The following FAM180A variants were observed in gnomAD, a reference collection of about 807,000 sequenced individuals.
FAM180A encodes protein FAM180A.
FAM180A carries 14 observed loss-of-function variants against 15.3 expected under a neutral mutation model. The observed-to-expected ratio is 0.92, with a 90% CI of 0.61 to 1.43. The LOEUF is 1.43. Ranked by LOEUF, FAM180A falls within the 40% of genes most tolerant of loss-of-function variation. The probability of loss-of-function intolerance (pLI) is 0.00; values close to 1 mark genes in which losing one functional copy is unlikely to be tolerated. For missense variants in FAM180A, 200 were observed against 220.8 expected (o/e 0.91, Z 0.60); for synonymous variants, 90 against 96.8 (o/e 0.93, Z 0.41).
chr7:135,744,694 A>T (rs1165926342), intron 1 of FAM180A, among the ~76,000 whole-genome samples: 1 of 152,192 alleles, frequency 6.6e-6, no homozygotes, highest in East Asian at 1.9e-4. Context: ...CGGATGAATG[A>T]GGACGGGGCA....
In FAM180A at chr7:135,729,949, A is replaced by C; in HGVS notation, c.*662T>G. ...TCTGTTTCACAACATGCATGGAGTT[A>C]ACACTGCTGTACCATATGCTTAAAA... On this transcript the variant is annotated 3_prime_UTR_variant, in exon 4 of 4. Transcript: ENST00000338588. 1.2e-6 allele frequency: 1 copy of C among 840,348 alleles called. No individual in the cohort carries two copies. Among genetic ancestry groups the C allele is most frequent in the Non-Finnish European group, 1.4e-6 (1 of 697,864 alleles). 52.1% of individuals were successfully genotyped at this position (840,348 alleles called of 1,614,324 possible).
intron 1 of FAM180A, among the ~76,000 whole-genome samples, chr7:135,741,939 A>G (rs1255020460): frequency 1.3e-5 from 2 of 152,216 alleles, no homozygotes; most frequent in African/African-American, 4.8e-5. Context: ...TTAAAAAGTA[A>G]AAAATTAGAA....
At chr7:135,744,405 G>A (rs986835024) in intron 1 of FAM180A, among the ~76,000 whole-genome samples, 4 of 152,204 alleles carry the variant, frequency 2.6e-5, no homozygotes, top group African/African-American at 7.2e-5. Context: ...TGGAAAGGAC[G>A]GTGGGTGTGG....
intron 3 of FAM180A, among the ~76,000 whole-genome samples, chr7:135,733,389 C>T (rs1395841194): frequency 3.3e-5 from 5 of 152,176 alleles, no homozygotes; most frequent in African/African-American, 1.2e-4. Context: ...CTCTGTTCCC[C>T]AGGCTGGAGT....
At position 135,733,758 on chromosome 7, in the gene FAM180A, C is replaced by T; in HGVS notation, c.*217G>A. On this transcript the variant is annotated 3_prime_UTR_variant, in exon 3 of 4. Transcript: ENST00000338588. ...GAGGCGTCTTGAATGACCATTCCAGCCCTTTCTTCCAGCCCAGGTCACATG... is the reference window on the plus strand; with the variant it reads ...GAGGCGTCTTGAATGACCATTCCAGTCCTTTCTTCCAGCCCAGGTCACATG... 7.3e-7 allele frequency: 1 copy of T among 1,365,982 alleles called. No homozygotes were observed. The highest frequency in any genetic ancestry group is 9.4e-7 in the Non-Finnish European group (1 of 1,065,024). 84.6% of individuals were successfully genotyped at this position (1,365,982 alleles called of 1,614,324 possible). A position where few individuals can be genotyped will look rare whatever the true frequency, so the allele number is the denominator to read the frequency against.
intron 2 of FAM180A, among the ~76,000 whole-genome samples, chr7:135,736,663 C>T (rs6963912): frequency 6.6e-6 from 1 of 152,058 alleles, no homozygotes; most frequent in East Asian, 1.9e-4. Context: ...TTCCAGAAAC[C>T]CAGCTAGGCT....
At position 135,747,293 on chromosome 7, in the gene FAM180A, T is replaced by C. The variant is rs183168766; in HGVS notation, c.76+1212A>G. Among the ~76,000 whole-genome samples, 13 of 151,752 alleles carry C rather than the reference T, an allele frequency of 8.6e-5. No individual in the cohort carries two copies. In the East Asian group the frequency reaches 2.5e-3, roughly 30 times the overall value. ...ACTATGTGCCCACAGAAATTAAAAATTAAAAATTAAAAAAAGAAAAGGGAG... is the reference window on the plus strand; with the variant it reads ...ACTATGTGCCCACAGAAATTAAAAACTAAAAATTAAAAAAAGAAAAGGGAG... On this transcript the variant is annotated intron_variant, in intron 1 of 3. Transcript: ENST00000338588.
chr7:135,738,330 A>G (rs1408166942), intron 1 of FAM180A, among the ~76,000 whole-genome samples: 1 of 152,196 alleles, frequency 6.6e-6, no homozygotes, highest in Non-Finnish European at 1.5e-5. Flanking sequence ...AGTAGCTGGG[A>G]TTACAGATGT....
chr7:135,740,981 A>G (rs10280047), intron 1 of FAM180A, among the ~76,000 whole-genome samples: 1 of 151,716 alleles, frequency 6.6e-6, no homozygotes, highest in Non-Finnish European at 1.5e-5. Context: ...AAACAAAAAA[A>G]AAAACCTCAG....
At chr7:135,745,448 A>G (rs892404301) in intron 1 of FAM180A, among the ~76,000 whole-genome samples, 5 of 151,842 alleles carry the variant, frequency 3.3e-5, no homozygotes, top group African/African-American at 9.7e-5. Context: ...AGGACCTGGT[A>G]TGTGCTGGGA....
intron 1 of FAM180A, among the ~76,000 whole-genome samples, chr7:135,738,763 A>G (rs1796906434): frequency 6.6e-6 from 1 of 152,176 alleles, no homozygotes; most frequent in African/African-American, 2.4e-5. Flanking sequence ...CCCTCTGGGG[A>G]GCAGGCACTG....
intron 1 of FAM180A, among the ~76,000 whole-genome samples, chr7:135,741,433 G>A (rs868240347): frequency 2.4e-4 from 36 of 150,844 alleles, no homozygotes; most frequent in African/African-American, 7.3e-4. Flanking sequence ...GGAGAATGGC[G>A]TGAACCCGGG....
In FAM180A at chr7:135,737,117, C is replaced by A. The variant is rs762954230; in HGVS notation, c.159G>T (p.Glu53Asp). The A allele has an allele frequency of 1.2e-6, 2 of 1,612,642 alleles. No individual in the cohort carries two copies. Among genetic ancestry groups the A allele is most frequent in the Non-Finnish European group, 1.7e-6 (2 of 1,179,238 alleles). The change falls in exon 2 of 4, where the codon GAG becomes GAT. Residue 53 changes from glutamate to aspartate, a missense_variant. Glu to Asp is a conservative substitution (Grantham distance 45). Transcript: ENST00000338588. The part of the protein sequence containing the change: ...LNPVLQTSLE[E>D]VELLYEFLLA... ...TGCCTACCTCGTAGAGCAGCTCCACCTCCTCCAGGGAGGTCTGCAGGACTG... is the reference window on the plus strand; with the variant it reads ...TGCCTACCTCGTAGAGCAGCTCCACATCCTCCAGGGAGGTCTGCAGGACTG...
At chr7:135,734,865 CAT>C (rs1482137699) in intron 2 of FAM180A, among the ~76,000 whole-genome samples, 1 of 152,128 alleles carries the variant, frequency 6.6e-6, no homozygotes, top group Non-Finnish European at 1.5e-5. Flanking sequence ...GGAGTTCAGA[CAT>C]AAAGGTCATA....
chr7:135,734,147 A>G lies in FAM180A; in HGVS notation c.350T>C (p.Ile117Thr). ...LSASLSSHPG[I>T]LKKEDFERTV... ...CCTTTCAAAGTCTTCTTTCTTGAGG[A>G]TGCCAGGGTGGCTGGAGAGGCTGGC... is the stretch of plus-strand genomic sequence containing the variant. The change falls in exon 3 of 4, where the codon ATC (isoleucine) becomes ACC (threonine). Residue 117 changes from isoleucine to threonine, a missense_variant. Coordinates refer to ENST00000338588, the MANE Select transcript of FAM180A (RefSeq NM_205855.4). The G allele has an allele frequency of 6.2e-7, 1 of 1,614,138 alleles. No individual in the cohort carries two copies. Among genetic ancestry groups the G allele is most frequent in the Non-Finnish European group, 8.5e-7 (1 of 1,180,028 alleles).
At chr7:135,739,189 A>T (rs1478724476) in intron 1 of FAM180A, among the ~76,000 whole-genome samples, 1 of 151,824 alleles carries the variant, frequency 6.6e-6, no homozygotes, top group Non-Finnish European at 1.5e-5. Flanking sequence ...GCGTGCCTGT[A>T]ATCCCAGCTA....
chr7:135,731,091 A>G (rs1001063231), intron 3 of FAM180A, among the ~76,000 whole-genome samples: 2 of 152,128 alleles, frequency 1.3e-5, no homozygotes, highest in East Asian at 3.9e-4. Flanking sequence ...GGGAGCAGCC[A>G]TCTACATAAC....
At position 135,736,994 on chromosome 7, in the gene FAM180A, A is replaced by G. The variant is rs907285832; in HGVS notation, c.177+105T>C. 1.1e-5 allele frequency: 9 copies of G among 840,424 alleles called. No homozygotes were observed. In the African/African-American group the frequency reaches 1.5e-4, roughly 14 times the overall value. 52.1% of individuals were successfully genotyped at this position (840,424 alleles called of 1,614,324 possible). On this transcript the variant is annotated intron_variant, in intron 2 of 3. Transcript: ENST00000338588. ...GCTATTCCCTACCACAGCAGGGGTCACTCATGGTCAGGGGCTGAGGGGTCA... is the reference window on the plus strand; with the variant it reads ...GCTATTCCCTACCACAGCAGGGGTCGCTCATGGTCAGGGGCTGAGGGGTCA...
chr7:135,737,148 A>G lies in FAM180A; in HGVS notation c.128T>C (p.Leu43Ser), dbSNP rs1470733162. The G allele has an allele frequency of 6.2e-7, 1 of 1,612,350 alleles. No homozygotes were observed. Among genetic ancestry groups the G allele is most frequent in the African/African-American group, 1.3e-5 (1 of 74,814 alleles). Reference protein sequence around the residue: ...HRPKRSSSLPLNPVLQTSLEE... With the variant: ...HRPKRSSSLPSNPVLQTSLEE... ...CAGGGAGGTCTGCAGGACTGGGTTCAATGGCAGTGATGAGGACCTCTTTGG... is the reference window on the plus strand; with the variant it reads ...CAGGGAGGTCTGCAGGACTGGGTTCGATGGCAGTGATGAGGACCTCTTTGG... Residue 43 changes from leucine to serine, a missense_variant, in exon 2 of 4, where the codon TTG (leucine) becomes TCG (serine). Coordinates refer to ENST00000338588, the MANE Select transcript of FAM180A (RefSeq NM_205855.4).
Sources: gnomAD v4.1 joint callset for allele counts (sites outside exome capture counted in the v4.1 genomes callset) on GRCh38, gnomAD v4.1.1 for gene constraint, MANE v1.5 for transcripts, NCBI Gene and HGNC (gene_info 2026-07-23, HGNC 2026-07-21) for gene names.